FAM107B: variants seen among roughly 807,000 people sequenced by gnomAD.
The protein encoded by FAM107B is protein FAM107B.
FAM107B carries 21 observed loss-of-function variants against 31.5 expected under a neutral mutation model. That is an observed-to-expected ratio of 0.67 (90% CI 0.47 to 0.96). The LOEUF (loss-of-function observed/expected upper bound fraction) is 0.96, where lower values mean the gene tolerates loss of function less well. Ranked by LOEUF, FAM107B falls within the 40% of genes least tolerant of loss-of-function variation. FAM107B has a pLI of 0.00. For missense variants in FAM107B, 452 were observed against 377.1 expected, an observed-to-expected ratio of 1.20 and a Z score of -1.64; for synonymous variants, 157 against 141.5, an observed-to-expected ratio of 1.11 and a Z score of -0.78.
At chr10:14,561,878 G>A (rs1366100549) in intron 2 of FAM107B, among the ~76,000 whole-genome samples, 1 of 152,154 alleles carries the variant, frequency 6.6e-6, no homozygotes, top group Non-Finnish European at 1.5e-5. Context: ...TCCGCCTCCA[G>A]GGTTCAAGGG....
At chr10:14,758,162 G>A (rs144108225) in intron 1 of FAM107B, among the ~76,000 whole-genome samples, 133 of 152,296 alleles carry the variant, frequency 8.7e-4, no homozygotes, top group African/African-American at 3.0e-3. Flanking sequence ...CGGTGAATAC[G>A]TCATGGAAAC....
In FAM107B at chr10:14,520,069, G is replaced by C. The variant is rs1845490631; in HGVS notation, c.*1121C>G. On this transcript the variant is annotated 3_prime_UTR_variant, in exon 5 of 5. Transcript: ENST00000181796. ...TCCTTATCAACAGCATCATCACTCA[G>C]ACAGTGGTGAAAGTCTTTCTTCACA... 1 of 152,598 alleles carries C rather than the reference G, an allele frequency of 6.6e-6. No homozygotes were observed. The highest frequency in any genetic ancestry group is 2.4e-5 in the African/African-American group (1 of 41,422). The allele number at this position is 152,598 out of a possible 1,614,324, so 9.5% of individuals were successfully genotyped here.
intron 1 of FAM107B, among the ~76,000 whole-genome samples, chr10:14,688,083 G>T (rs887188707): frequency 1.3e-5 from 2 of 152,244 alleles, no homozygotes; most frequent in African/African-American, 4.8e-5. Flanking sequence ...AAGAAAGCAG[G>T]CAGGAGAAAT....
chr10:14,673,898 A>G (rs569406292), intron 1 of FAM107B, among the ~76,000 whole-genome samples: 60 of 151,992 alleles, frequency 3.9e-4, no homozygotes, highest in African/African-American at 1.3e-3. Flanking sequence ...ATACTTGGCT[A>G]TTTGTATGTC....
chr10:14,697,141 C>T (rs1855285116), intron 1 of FAM107B, among the ~76,000 whole-genome samples: 2 of 152,142 alleles, frequency 1.3e-5, no homozygotes, highest in South Asian at 4.1e-4. Flanking sequence ...GCTTGGGGCT[C>T]TGGCTGAGGC....
At chr10:14,551,664 T>C (rs139029968) in intron 2 of FAM107B, among the ~76,000 whole-genome samples, 309 of 147,522 alleles carry the variant, frequency 2.1e-3, no homozygotes, top group African/African-American at 7.1e-3. Context: ...AAACCTTATT[T>C]TCCACTTACA....
At chr10:14,585,949 G>A (rs1851812212) in intron 2 of FAM107B, among the ~76,000 whole-genome samples, 1 of 152,160 alleles carries the variant, frequency 6.6e-6, no homozygotes, top group Admixed American at 6.5e-5. Context: ...CACTCTCCCT[G>A]CATACAAGGC....
chr10:14,546,792 TA>T (rs1391091420), intron 2 of FAM107B, among the ~76,000 whole-genome samples: 1 of 152,182 alleles, frequency 6.6e-6, no homozygotes, highest in African/African-American at 2.4e-5. Context: ...ACCTTCAAAG[TA>T]AAGACCAGTC....
chr10:14,608,259 T>C (rs533633808), intron 2 of FAM107B, among the ~76,000 whole-genome samples: 2 of 152,350 alleles, frequency 1.3e-5, no homozygotes, highest in Admixed American at 1.3e-4. Flanking sequence ...ACGTGGACAT[T>C]TGAATCGTAA....
At chr10:14,764,514 C>T (rs1423688155) in intron 1 of FAM107B, among the ~76,000 whole-genome samples, 1 of 152,168 alleles carries the variant, frequency 6.6e-6, no homozygotes, top group Non-Finnish European at 1.5e-5. Context: ...CCTCTAACTG[C>T]CTAAAATTTC....
intron 2 of FAM107B, among the ~76,000 whole-genome samples, chr10:14,626,433 A>G (rs1225381459): frequency 2.7e-5 from 4 of 150,412 alleles, no homozygotes; most frequent in Non-Finnish European, 5.9e-5. Flanking sequence ...TTGGTTTCTC[A>G]TTTGGGTTGT....
At chr10:14,707,041 C>T (rs188924699) in intron 1 of FAM107B, among the ~76,000 whole-genome samples, 2 of 152,032 alleles carry the variant, frequency 1.3e-5, no homozygotes, top group African/African-American at 4.8e-5. Context: ...AGGAGAATTG[C>T]TTGAACCCGG....
intron 1 of FAM107B, among the ~76,000 whole-genome samples, chr10:14,718,244 T>C (rs909865904): frequency 6.6e-6 from 1 of 151,916 alleles, no homozygotes; most frequent in African/African-American, 2.4e-5. Context: ...GCAGAATAGC[T>C]GAAACCTGGG....
At chr10:14,559,824 C>A (rs1418541303) in intron 2 of FAM107B, among the ~76,000 whole-genome samples, 1 of 151,756 alleles carries the variant, frequency 6.6e-6, no homozygotes, top group African/African-American at 2.4e-5. Flanking sequence ...CCGTCTTGGC[C>A]TCCCAAAGTG....
intron 1 of FAM107B, among the ~76,000 whole-genome samples, chr10:14,696,278 G>C (rs766734869): frequency 6.6e-6 from 1 of 152,190 alleles, no homozygotes; most frequent in Non-Finnish European, 1.5e-5. Flanking sequence ...CTGTTAATGT[G>C]ATGTATTACA....
chr10:14,723,569 A>G, intron 1 of FAM107B: 1 of 659,078 alleles, frequency 1.5e-6, no homozygotes. Context: ...TTACTGTTGC[A>G]TGGAAAGGCT....
chr10:14,722,298 G>A (rs535543517), intron 1 of FAM107B, among the ~76,000 whole-genome samples: 1 of 152,268 alleles, frequency 6.6e-6, no homozygotes, highest in East Asian at 1.9e-4. Flanking sequence ...ATGATATGTG[G>A]CATTTGTGAA....
chr10:14,664,186 T>A (rs1026349488), intron 2 of FAM107B, among the ~76,000 whole-genome samples: 3 of 152,226 alleles, frequency 2.0e-5, no homozygotes, highest in African/African-American at 7.2e-5. Context: ...TGTGTTCATG[T>A]TTTAAAGGCT....
chr10:14,719,400 TGCC>T (rs1855859140), intron 1 of FAM107B, among the ~76,000 whole-genome samples: 1 of 152,224 alleles, frequency 6.6e-6, no homozygotes, highest in African/African-American at 2.4e-5. Context: ...ACTAATACTT[TGCC>T]TTTAATGATT....
Sources: gnomAD v4.1 joint callset for allele counts (sites outside exome capture counted in the v4.1 genomes callset) on GRCh38, gnomAD v4.1.1 for gene constraint, MANE v1.5 for transcripts, NCBI Gene and HGNC (gene_info 2026-07-23, HGNC 2026-07-21) for gene names.